CCDC192: variants seen among roughly 807,000 people sequenced by gnomAD.
CCDC192 encodes coiled-coil domain containing 192, also known as coiled-coil domain-containing protein 192.
At chr5:127,831,751 CAT>C (rs1475834427) in intron 5 of CCDC192, among the ~76,000 whole-genome samples, 1 of 152,036 alleles carries the variant, frequency 6.6e-6, no homozygotes, top group Non-Finnish European at 1.5e-5. Flanking sequence ...TACATACACA[CAT>C]ATGTACACAC....
rs141998675 is a variant in CCDC192 at position 127,825,520 on chromosome 5, C to T, written c.411+27358C>T. On this transcript the variant is annotated intron_variant, in intron 5 of 6. Transcript: ENST00000514853. ...CAGTTCTTAGAGGTTTATATCCCTC[C>T]ATTCATGGCATGAGTGGCTGAAGCT... Among the ~76,000 whole-genome samples the T allele has an allele frequency of 2.0e-5, 3 of 152,320 alleles. No individual in the cohort carries two copies. In the East Asian group the frequency reaches 5.8e-4, roughly 29 times the overall value.
At chr5:127,843,071 G>C (rs1327627035) in intron 5 of CCDC192, among the ~76,000 whole-genome samples, 1 of 117,884 alleles carries the variant, frequency 8.5e-6, no homozygotes, top group African/African-American at 3.3e-5. Flanking sequence ...GTCTTGCTCA[G>C]TTGCCCAGGC....
chr5:127,750,409 T>A (rs1367367865), intron 2 of CCDC192, among the ~76,000 whole-genome samples: 1 of 152,178 alleles, frequency 6.6e-6, no homozygotes, highest in Admixed American at 6.5e-5. Context: ...TCAGTTTCCA[T>A]GTAGTTGAGG....
intron 5 of CCDC192, among the ~76,000 whole-genome samples, chr5:127,805,768 C>T (rs752572186): frequency 1.3e-5 from 2 of 152,212 alleles, no homozygotes; most frequent in African/African-American, 2.4e-5. Flanking sequence ...ATGAGCCCCT[C>T]TCTGTATCCC....
At chr5:127,739,108 G>C (rs1466080413) in intron 2 of CCDC192, among the ~76,000 whole-genome samples, 2 of 152,090 alleles carry the variant, frequency 1.3e-5, no homozygotes, top group Admixed American at 1.3e-4. Flanking sequence ...ATGGGTTTTT[G>C]GTGTGGATGT....
intron 5 of CCDC192, among the ~76,000 whole-genome samples, chr5:127,799,064 C>A (rs978221700): frequency 1.3e-5 from 2 of 152,240 alleles, no homozygotes; most frequent in African/African-American, 4.8e-5. Flanking sequence ...CTTTTTCATC[C>A]ACATCTTGGC....
At position 127,941,098 on chromosome 5, in the gene CCDC192, T is replaced by G. The variant is rs1754388920; in HGVS notation, c.536-84T>G. 5 of 398,358 alleles carry G rather than the reference T, an allele frequency of 1.3e-5. No homozygotes were observed. In the East Asian group the frequency reaches 1.8e-4, roughly 14 times the overall value. The allele number at this position is 398,358 out of a possible 1,614,324, so 24.7% of individuals were successfully genotyped here. On this transcript the variant is annotated intron_variant, in intron 6 of 6. Coordinates refer to ENST00000514853, the MANE Select transcript of CCDC192 (RefSeq NM_001317938.2). The stretch of plus-strand genomic sequence containing the variant: ...TGCTCTCTTTTAAGAACGTGAGAAA[T>G]GAAGCTTTTTCATTTTTCCTTGCTT...
At chr5:127,749,813 G>A (rs1269623269) in intron 2 of CCDC192, among the ~76,000 whole-genome samples, 1 of 152,184 alleles carries the variant, frequency 6.6e-6, no homozygotes, top group African/African-American at 2.4e-5. Flanking sequence ...TCTATTCAGA[G>A]ATTCAACTTC....
At chr5:127,806,830 T>C (rs932112271) in intron 5 of CCDC192, among the ~76,000 whole-genome samples, 3 of 152,172 alleles carry the variant, frequency 2.0e-5, no homozygotes, top group Admixed American at 2.0e-4. Context: ...AAAATTTAAA[T>C]TACTTTAAGA....
chr5:127,796,563 A>T (rs1757178296), intron 3 of CCDC192, among the ~76,000 whole-genome samples: 1 of 152,148 alleles, frequency 6.6e-6, no homozygotes, highest in Non-Finnish European at 1.5e-5. Flanking sequence ...ATTGCTAGGA[A>T]TTTTTTTGGT....
At chr5:127,814,275 T>G (rs529345786) in intron 5 of CCDC192, among the ~76,000 whole-genome samples, 2 of 152,328 alleles carry the variant, frequency 1.3e-5, no homozygotes, top group Admixed American at 1.3e-4. Context: ...TTCTTCTTTG[T>G]GGAATTGCTA....
intron 6 of CCDC192, among the ~76,000 whole-genome samples, chr5:127,876,063 ATTTTTT>A (rs55862955): frequency 1.6e-5 from 2 of 128,788 alleles, no homozygotes. Context: ...AGAGAACAGA[ATTTTTT>A]TTTTTTTTTT....
chr5:127,913,252 C>A (rs1753426783), intron 6 of CCDC192, among the ~76,000 whole-genome samples: 1 of 152,174 alleles, frequency 6.6e-6, no homozygotes, highest in South Asian at 2.1e-4. Context: ...AAAGGAAGGT[C>A]TAGGAAGAAT....
intron 5 of CCDC192, among the ~76,000 whole-genome samples, chr5:127,839,147 C>G (rs985907113): frequency 1.3e-5 from 2 of 152,144 alleles, no homozygotes; most frequent in African/African-American, 4.8e-5. Flanking sequence ...ATAAACAGTT[C>G]TTGGAATGCT....
At chr5:127,789,775 A>T (rs1310606773) in intron 3 of CCDC192, among the ~76,000 whole-genome samples, 1 of 152,240 alleles carries the variant, frequency 6.6e-6, no homozygotes, top group Non-Finnish European at 1.5e-5. Context: ...GTTCTAGAAG[A>T]TGGGGGAAAT....
At chr5:127,911,149 C>A (rs1305916658) in intron 6 of CCDC192, among the ~76,000 whole-genome samples, 1 of 152,184 alleles carries the variant, frequency 6.6e-6, no homozygotes, top group East Asian at 1.9e-4. Flanking sequence ...TTTCACAAGG[C>A]ATGCATTGAG....
chr5:127,831,164 T>C (rs1440520864), intron 5 of CCDC192, among the ~76,000 whole-genome samples: 1 of 152,218 alleles, frequency 6.6e-6, no homozygotes, highest in African/African-American at 2.4e-5. Context: ...CAAATTTTTC[T>C]CCTTAAAAAC....
At chr5:127,746,511 A>T (rs1251753339) in intron 2 of CCDC192, among the ~76,000 whole-genome samples, 2 of 152,216 alleles carry the variant, frequency 1.3e-5, no homozygotes, top group Non-Finnish European at 2.9e-5. Context: ...TCAATCTTTT[A>T]AAAATAGTTT....
At chr5:127,914,050 T>C (rs1006307789) in intron 6 of CCDC192, among the ~76,000 whole-genome samples, 7 of 152,178 alleles carry the variant, frequency 4.6e-5, no homozygotes, top group Non-Finnish European at 5.9e-5. Context: ...TTATGATAAC[T>C]TGGTAAATAG....
Sources: gnomAD v4.1 joint callset for allele counts (sites outside exome capture counted in the v4.1 genomes callset) on GRCh38, gnomAD v4.1.1 for gene constraint, MANE v1.5 for transcripts, NCBI Gene and HGNC (gene_info 2026-07-23, HGNC 2026-07-21) for gene names.